The following SEPTIN4 variants were observed in gnomAD, a reference collection of about 807,000 sequenced individuals.
The protein encoded by SEPTIN4 is septin 4.
Under a neutral mutation model 107.1 loss-of-function variants are expected in SEPTIN4, and 52 were observed. The observed-to-expected ratio is 0.49, with a 90% CI of 0.39 to 0.61. The LOEUF (loss-of-function observed/expected upper bound fraction) is 0.61, where lower values mean the gene tolerates loss of function less well. SEPTIN4 is among the 20% of genes least tolerant of loss of function. The pLI is 0.00. For missense variants in SEPTIN4, 1,048 were observed against 1,243.5 expected (o/e 0.84, Z 2.36); for synonymous variants, 417 against 467.0 (o/e 0.89, Z 1.38).
Position 58,521,929 on chromosome 17 carries a change from C to A in SEPTIN4, c.2351+38G>T. The A allele has an allele frequency of 6.2e-7, 1 of 1,614,272 alleles. No individual in the cohort carries two copies. Among genetic ancestry groups the A allele is most frequent in the Non-Finnish European group, 8.5e-7 (1 of 1,180,054 alleles). ...TGCTCTTGGCCTGTTCCCTTGACAG[C>A]ACCCGGTGGTGCCAGGAGCCTCAGG... is the stretch of plus-strand genomic sequence containing the variant. On this transcript the variant is annotated intron_variant, in intron 8 of 13. Coordinates refer to ENST00000672673, the MANE Select transcript of SEPTIN4 (RefSeq NM_001368771.2). This position sits in a 1 kb window ranked among gnomAD's most constrained non-coding sequence, Gnocchi z 6.4.
At position 58,532,629 on chromosome 17, in the gene SEPTIN4, A is replaced by G. The variant is rs545756385; in HGVS notation, c.1615-5651T>C. Among the ~76,000 whole-genome samples, 8 of 152,294 alleles carry G rather than the reference A, an allele frequency of 5.3e-5. No individual in the cohort carries two copies. The South Asian group carries it at 1.7e-3, about 32-fold the overall frequency. On this transcript the variant is annotated intron_variant, in intron 3 of 13. Transcript: ENST00000672673. Reference sequence around the variant, plus strand: ...CAGATTAAAGAGGATTTGCTGCACAAATTATCCAGGGATCATCTGCTGGAA... The same window carrying G: ...CAGATTAAAGAGGATTTGCTGCACAGATTATCCAGGGATCATCTGCTGGAA...
chr17:58,532,839 A>C (rs576864858), intron 3 of SEPTIN4, among the ~76,000 whole-genome samples: 3 of 152,320 alleles, frequency 2.0e-5, no homozygotes, highest in Non-Finnish European at 4.4e-5. Flanking sequence ...TAGAGGCATT[A>C]GAGGCTCAGA....
intron 3 of SEPTIN4, chr17:58,527,533 A>G: frequency 4.3e-6 from 1 of 231,686 alleles, no homozygotes; most frequent in Non-Finnish European, 8.6e-6. Flanking sequence ...GAGCTGGGGG[A>G]CTGGGGTACA....
rs368904477 is a variant in SEPTIN4 at position 58,544,196 on chromosome 17, T to C, written c.-10A>G. The C allele has an allele frequency of 8.7e-6, 14 of 1,602,216 alleles. No homozygotes were observed. The highest frequency in any genetic ancestry group is 5.3e-5 in the African/African-American group (4 of 74,876). Reference sequence around the variant, plus strand: ...TATTTGTCTTGACCATCTGATAGATTGTGCCCTTCTGAGTAGATCCCGTAT... The same window carrying C: ...TATTTGTCTTGACCATCTGATAGATCGTGCCCTTCTGAGTAGATCCCGTAT... On this transcript the variant is annotated 5_prime_UTR_variant, in exon 1 of 14. Transcript: ENST00000672673.
chr17:58,532,215 C>G (rs569106117), intron 3 of SEPTIN4: 1 of 544,466 alleles, frequency 1.8e-6, no homozygotes, highest in Non-Finnish European at 2.4e-6. Flanking sequence ...CCGCGACCCC[C>G]GGATGCGCAG....
At chr17:58,522,411 A>T (rs1026878571) in intron 7 of SEPTIN4, among the ~76,000 whole-genome samples, 1 of 152,084 alleles carries the variant, frequency 6.6e-6, no homozygotes, top group Non-Finnish European at 1.5e-5. Context: ...TGTAATCCCA[A>T]CACTTTGGGA....
chr17:58,521,799 G>A lies in SEPTIN4; in HGVS notation c.2406C>T (p.Ile802=), dbSNP rs775607555. 27 of 1,614,200 alleles carry A rather than the reference G, an allele frequency of 1.7e-5. No homozygotes were observed. The highest frequency in any genetic ancestry group is 2.7e-5 in the African/African-American group (2 of 75,062). ...TGTCTGCCTTAGCCAGGATAGGCAC[G>A]ATGTTGACCCGCTGATGCAGGGCCT... The part of the protein sequence containing the change: ...FMKALHQRVN[I]VPILAKADTL... The change falls in exon 9 of 14, where the codon ATC becomes ATT. Residue 802 remains isoleucine (I), a synonymous_variant. Coordinates refer to ENST00000672673, the MANE Select transcript of SEPTIN4 (RefSeq NM_001368771.2). The surrounding 1 kb of genome is among the most constrained non-coding windows in gnomAD (Gnocchi z 6.4).
chr17:58,543,420 A>C lies in SEPTIN4; in HGVS notation c.767T>G (p.Ile256Ser). The change falls in exon 1 of 14, where the codon ATT (isoleucine) becomes AGT (serine). Residue 256 changes from isoleucine (I) to serine (S), a missense_variant. By Grantham distance (142) the Ile-to-Ser change is moderately radical. Coordinates refer to ENST00000672673, the MANE Select transcript of SEPTIN4 (RefSeq NM_001368771.2). ...ATACAAGGCCTTGGGTTTTGAAGGA[A>C]TTGGACCGTAAGGACCTGTTTCTGA... Reference protein sequence around the residue: ...EESETGPYGPIPSKPKALYRN... With the variant: ...EESETGPYGPSPSKPKALYRN... 2 of 1,614,188 alleles carry C rather than the reference A, an allele frequency of 1.2e-6. No individual in the cohort carries two copies. The highest frequency in any genetic ancestry group is 1.1e-5 in the South Asian group (1 of 91,076).
At chr17:58,535,095 T>C (rs1315545949) in intron 3 of SEPTIN4, among the ~76,000 whole-genome samples, 2 of 152,202 alleles carry the variant, frequency 1.3e-5, no homozygotes, top group African/African-American at 4.8e-5. Context: ...ATCACTGGGT[T>C]GTGTCTTTCA....
intron 2 of SEPTIN4, 62 bp downstream of exon 2, chr17:58,541,860 C>T: frequency 6.2e-7 from 1 of 1,614,150 alleles, no homozygotes; most frequent in Non-Finnish European, 8.5e-7. Context: ...GATGCCACTC[C>T]TCACCTGTCC....
intron 4 of SEPTIN4, 103 bp from the exon 5 acceptor site, chr17:58,526,416 A>G (rs1026000930): frequency 1.2e-5 from 17 of 1,377,614 alleles, no homozygotes; most frequent in Admixed American, 3.5e-5. Flanking sequence ...CCAGCCTTAA[A>G]AAAGCAGTGC....
chr17:58,529,344 A>C, intron 3 of SEPTIN4: 1 of 1,479,954 alleles, frequency 6.8e-7, no homozygotes, highest in Non-Finnish European at 9.0e-7. Context: ...AGGGGCCAAA[A>C]AAGCCTGTGG....
chr17:58,524,864 G>A (rs994325720), intron 7 of SEPTIN4: 7 of 586,292 alleles, frequency 1.2e-5, no homozygotes, highest in Non-Finnish European at 2.1e-5. Context: ...GAATCATAGG[G>A]CAGAATTGGA....
At position 58,521,594 on chromosome 17, in the gene SEPTIN4, C is replaced by T; in HGVS notation, c.2522G>A (p.Cys841Tyr). The T allele has an allele frequency of 6.2e-7, 1 of 1,614,256 alleles. No individual in the cohort carries two copies. Among genetic ancestry groups the T allele is most frequent in the Non-Finnish European group, 8.5e-7 (1 of 1,180,052 alleles). ...GAAGTCCTCATCCTCATCAGAGTCACAGTCTGGGAATTGATAGATCTTGAT... is the reference window on the plus strand; with the variant it reads ...GAAGTCCTCATCCTCATCAGAGTCATAGTCTGGGAATTGATAGATCTTGAT... ...FGIKIYQFPDCDSDEDEDFKL... is the reference protein window; with the variant it reads ...FGIKIYQFPDYDSDEDEDFKL... Residue 841 changes from cysteine (C) to tyrosine (Y), a missense_variant, in exon 10 of 14, where the codon TGT becomes TAT. Physicochemically the swap from Cys to Tyr is radical, Grantham distance 194 (BLOSUM62 -2). This residue lies in a region of SEPTIN4 where 261 missense variants were observed against 371.7 expected (regional missense o/e 0.70). Coordinates refer to ENST00000672673, the MANE Select transcript of SEPTIN4 (RefSeq NM_001368771.2). This position sits in a 1 kb window ranked among gnomAD's most constrained non-coding sequence, Gnocchi z 6.4.
At chr17:58,532,198 T>A (rs2043533960) in intron 3 of SEPTIN4, 2 of 722,918 alleles carry the variant, frequency 2.8e-6, no homozygotes, top group Non-Finnish European at 3.5e-6. Context: ...GGGGCCGGCC[T>A]CGCAGCCCGC....
In SEPTIN4 at chr17:58,521,693, C is replaced by T; in HGVS notation, c.2469+43G>A. 6.2e-7 allele frequency: 1 copy of T among 1,614,252 alleles called. No individual in the cohort carries two copies. Among genetic ancestry groups the T allele is most frequent in the Non-Finnish European group, 8.5e-7 (1 of 1,180,040 alleles). ...CACAGTTCTGGGGACCACATCCTTT[C>T]TAGAAGCCCACCTGATCCCCTCCCA... is the stretch of plus-strand genomic sequence containing the variant. On this transcript the variant is annotated intron_variant, in intron 9 of 13. Transcript: ENST00000672673. This position sits in a 1 kb window ranked among gnomAD's most constrained non-coding sequence, Gnocchi z 6.4.
At chr17:58,526,186 C>T (rs765493785) in intron 5 of SEPTIN4, 34 bp downstream of exon 5, 9 of 1,548,694 alleles carry the variant, frequency 5.8e-6, no homozygotes, top group Non-Finnish European at 7.8e-6. Context: ...ACCTGAAACA[C>T]ACCCTGCCCA....
chr17:58,529,431 T>A, intron 3 of SEPTIN4: 1 of 1,385,132 alleles, frequency 7.2e-7, no homozygotes, highest in East Asian at 2.8e-5. Context: ...TGCAGCAGGA[T>A]CACTTGGTTC....
chr17:58,534,264 G>C (rs1436466476), intron 3 of SEPTIN4, among the ~76,000 whole-genome samples: 1 of 152,218 alleles, frequency 6.6e-6, no homozygotes, highest in African/African-American at 2.4e-5. Context: ...ACCTGCACAA[G>C]CCCTGCATGC....
Sources: allele counts gnomAD v4.1 joint callset (sites outside exome capture counted in the v4.1 genomes callset), GRCh38; gene constraint gnomAD v4.1.1; regional missense constraint gnomAD v4.1.1; non-coding constraint Gnocchi (gnomAD v3.1); transcripts MANE v1.5; gene names NCBI Gene and HGNC (gene_info 2026-07-23, HGNC 2026-07-21).